Variants in PTPRB observed in about 807,000 individuals in gnomAD.
The protein encoded by PTPRB is protein tyrosine phosphatase receptor type B.
A neutral mutation model predicts 238.1 loss-of-function variants in PTPRB; 97 were observed. That is an observed-to-expected ratio of 0.41 (90% CI 0.35 to 0.48). PTPRB has a LOEUF of 0.48. Among genes scored for constraint, PTPRB ranks in the 20% least tolerant of loss-of-function variants. The pLI, the probability that PTPRB is intolerant of heterozygous loss-of-function variation, is 0.30. For synonymous variants in PTPRB, 970 were observed against 995.4 expected, an observed-to-expected ratio of 0.97 and a Z score of 0.48; for missense variants, 2,292 against 2,681.9, an observed-to-expected ratio of 0.85 and a Z score of 3.21.
chr12:70,622,551 A>G lies in PTPRB; in HGVS notation c.547T>C (p.Phe183Leu), dbSNP rs775052317. 1 of 1,607,164 alleles carries G rather than the reference A, an allele frequency of 6.2e-7. No individual in the cohort carries two copies. Among genetic ancestry groups the G allele is most frequent in the South Asian group, 1.1e-5 (1 of 90,216 alleles). Residue 183 changes from phenylalanine (F) to leucine (L), a missense_variant, in exon 3 of 34, where the codon TTC becomes CTC. Phe to Leu is a conservative substitution (Grantham distance 22, BLOSUM62 0). Transcript: ENST00000334414. ...GCCTCTGTGGTATTCCTAATAAGGA[A>G]TACCAGGCCATCTGGAACTGCATTA... ...TFNAVPDGLV[F>L]LIRNTTEAFI...
intron 2 of PTPRB, among the ~76,000 whole-genome samples, chr12:70,630,644 T>A (rs149062223): frequency 0.018 from 2,783 of 152,330 alleles, 38 homozygotes; most frequent in Non-Finnish European, 0.029. Context: ...TGTTTGCAGA[T>A]GACATGATTG....
intron 5 of PTPRB, among the ~76,000 whole-genome samples, chr12:70,595,271 G>GGACACAGGGA (rs1483993672): frequency 6.6e-6 from 1 of 151,984 alleles, no homozygotes; most frequent in African/African-American, 2.4e-5. Context: ...ACACAGGGAG[G>GGACACAGGGA]GGAACATCAC....
intron 8 of PTPRB, among the ~76,000 whole-genome samples, chr12:70,587,523 CT>C (rs1207328182): frequency 6.6e-6 from 1 of 152,138 alleles, no homozygotes; most frequent in Non-Finnish European, 1.5e-5. Context: ...TTGAGTTTAT[CT>C]TTTTGTATGA....
chr12:70,576,683 A>AGGGGGGGGGG (rs1491170480), intron 10 of PTPRB, 38 bp from the exon 11 acceptor site: 1 of 91,352 alleles, frequency 1.1e-5, no homozygotes, highest in African/African-American at 1.1e-4. Context: ...GGGGGGGGGG[A>AGGGGGGGGGG]AGGGGGATTC....
At chr12:70,568,369 C>T (rs953579109) in intron 14 of PTPRB, among the ~76,000 whole-genome samples, 5 of 152,106 alleles carry the variant, frequency 3.3e-5, no homozygotes, top group Middle Eastern at 3.2e-3. Context: ...ATGATCTCAG[C>T]TCACTGCAAG....
chr12:70,542,978 G>GTTCT (rs1319971300), intron 22 of PTPRB: 4 of 151,562 alleles, frequency 2.6e-5, no homozygotes, highest in African/African-American at 9.7e-5. Context: ...TGAGGTAAGA[G>GTTCT]TTCTTTATAT....
At chr12:70,614,452 T>C (rs1447453079) in intron 3 of PTPRB, among the ~76,000 whole-genome samples, 3 of 152,136 alleles carry the variant, frequency 2.0e-5, no homozygotes, top group Non-Finnish European at 4.4e-5. Flanking sequence ...TTATAATATA[T>C]AATATGCATA....
intron 10 of PTPRB, among the ~76,000 whole-genome samples, chr12:70,579,033 G>A (rs576484103): frequency 1.2e-4 from 19 of 152,298 alleles, no homozygotes; most frequent in African/African-American, 3.6e-4. Context: ...GTAGGAGACT[G>A]TATCCCAACC....
chr12:70,529,943 A>G (rs1454047951), intron 32 of PTPRB, among the ~76,000 whole-genome samples: 1 of 108,940 alleles, frequency 9.2e-6, no homozygotes, highest in Non-Finnish European at 2.4e-5. Flanking sequence ...GACAAAATCC[A>G]TGGGGAGTAG....
intron 5 of PTPRB, among the ~76,000 whole-genome samples, chr12:70,595,001 C>A (rs1355342783): frequency 6.6e-6 from 1 of 151,818 alleles, no homozygotes; most frequent in Non-Finnish European, 1.5e-5. Flanking sequence ...TATAACATTG[C>A]ACAGCAGTAA....
rs188702708 is a variant in PTPRB at position 70,520,338 on chromosome 12, T to C, written c.*1151A>G. ...GTGCCTTTTGTTATTAAATGCAACT[T>C]TGGGTGATTACTTGACATTTTGACT... On this transcript the variant is annotated 3_prime_UTR_variant, in exon 34 of 34. Transcript: ENST00000334414. 178 of 280,894 alleles carry C rather than the reference T, an allele frequency of 6.3e-4. No homozygotes were observed. The highest frequency in any genetic ancestry group is 3.7e-3 in the African/African-American group (160 of 43,794). The allele number at this position is 280,894 out of a possible 1,614,324, so 17.4% of individuals were successfully genotyped here.
At chr12:70,599,382 T>C (rs1883289637) in intron 4 of PTPRB, among the ~76,000 whole-genome samples, 1 of 152,202 alleles carries the variant, frequency 6.6e-6, no homozygotes, top group African/African-American at 2.4e-5. Context: ...AAGGTATCAA[T>C]GCACAGATGT....
At position 70,622,379 on chromosome 12, in the gene PTPRB, C is replaced by T. The variant is rs756037573; in HGVS notation, c.708+11G>A. The stretch of plus-strand genomic sequence containing the variant: ...TGCACAGACCACACTCCACACACCC[C>T]CTCCTTTTACCTCTTCAGTGGTGCT... On this transcript the variant is annotated intron_variant, in intron 3 of 33. Coordinates refer to ENST00000334414, the MANE Select transcript of PTPRB (RefSeq NM_001109754.4). 3.1e-6 allele frequency: 5 copies of T among 1,610,650 alleles called. No individual in the cohort carries two copies. The highest frequency in any genetic ancestry group is 3.4e-6 in the Non-Finnish European group (4 of 1,178,840).
At chr12:70,527,435 G>A (rs1872591629) in intron 32 of PTPRB, among the ~76,000 whole-genome samples, 1 of 152,178 alleles carries the variant, frequency 6.6e-6, no homozygotes, top group African/African-American at 2.4e-5. Flanking sequence ...ATGGGTCATG[G>A]GAAACCCCTC....
chr12:70,546,125 G>A, intron 21 of PTPRB, among the ~76,000 whole-genome samples: 1 of 144,522 alleles, frequency 6.9e-6, no homozygotes. Context: ...TGACAAAGCA[G>A]GACTCCACCT....
intron 16 of PTPRB, 46 bp downstream of exon 16, chr12:70,562,798 G>A (rs780344509): frequency 1.1e-5 from 18 of 1,589,694 alleles, no homozygotes; most frequent in East Asian, 2.2e-5. Context: ...AGTGAATACC[G>A]GGACAATTCC....
chr12:70,595,401 A>C (rs999472666), intron 5 of PTPRB, among the ~76,000 whole-genome samples: 18 of 152,210 alleles, frequency 1.2e-4, no homozygotes, highest in African/African-American at 4.3e-4. Flanking sequence ...ATACCTATGT[A>C]ACAAACCTGC....
chr12:70,535,447 C>T (rs983453505), intron 29 of PTPRB, among the ~76,000 whole-genome samples: 3 of 151,918 alleles, frequency 2.0e-5, no homozygotes, highest in African/African-American at 7.3e-5. Context: ...TAGCTAAGCT[C>T]GCCTTTACAT....
At chr12:70,622,310 T>A in intron 3 of PTPRB, 80 bp downstream of exon 3, 6 of 1,554,146 alleles carry the variant, frequency 3.9e-6, no homozygotes, top group Non-Finnish European at 4.4e-6. Flanking sequence ...GCAGTGGCAT[T>A]TTTAGCAAAG....
Sources: allele counts gnomAD v4.1 joint callset (sites outside exome capture counted in the v4.1 genomes callset), GRCh38; gene constraint gnomAD v4.1.1; transcripts MANE v1.5; gene names NCBI Gene and HGNC (gene_info 2026-07-23, HGNC 2026-07-21).